Variants in C2 observed in about 807,000 individuals in gnomAD.
C2 encodes complement C2.
A neutral mutation model predicts 85.2 loss-of-function variants in C2; 64 were observed. The observed-to-expected ratio is 0.75, with a 90% CI of 0.61 to 0.92. C2 has a LOEUF of 0.92. C2 is among the 40% of genes least tolerant of loss of function. The pLI is 0.00. For synonymous variants in C2, 311 were observed against 370.8 expected (o/e 0.84, Z 1.85); for missense variants, 820 against 971.6 (o/e 0.84, Z 2.07).
Position 31,943,139 on chromosome 6 carries a change from G to T in C2, c.1360+40G>T, listed in dbSNP as rs1428120008. The T allele has an allele frequency of 1.9e-6, 3 of 1,612,904 alleles. No homozygotes were observed. The highest frequency in any genetic ancestry group is 2.5e-6 in the Non-Finnish European group (3 of 1,179,916). Reference sequence around the variant, plus strand: ...CCCTCCTTGGTGTGGGGAGGATGGTGAGGAGCCCGCCAGAGGCCCGTGTTG... The same window carrying T: ...CCCTCCTTGGTGTGGGGAGGATGGTTAGGAGCCCGCCAGAGGCCCGTGTTG... On this transcript the variant is annotated intron_variant, in intron 10 of 17. Transcript: ENST00000299367. The surrounding 1 kb of genome is among the most constrained non-coding windows in gnomAD (Gnocchi z 6.4).
chr6:31,900,661 C>T (rs370274844), upstream of C2: 41 of 1,612,746 alleles, frequency 2.5e-5, no homozygotes, highest in African/African-American at 3.9e-4. This position sits in a 1 kb window ranked among gnomAD's most constrained non-coding sequence, Gnocchi z 9.7. Context: ...CCTCCAGGGC[C>T]GACTCCACCT....
chr6:31,933,560 G>A (rs375155089), intron 3 of C2, 50 bp from the exon 4 acceptor site: 35 of 1,604,066 alleles, frequency 2.2e-5, no homozygotes, highest in Non-Finnish European at 2.6e-5. Context: ...AGGAGGCAGA[G>A]CCTGATGGGA....
At chr6:31,909,225 C>T (rs1245942944) in intron 1 of C2, among the ~76,000 whole-genome samples, 1 of 151,904 alleles carries the variant, frequency 6.6e-6, no homozygotes, top group Non-Finnish European at 1.5e-5. Context: ...TACCTATTTA[C>T]AGTTCTTTTG....
upstream of C2, among the ~76,000 whole-genome samples, chr6:31,899,421 T>C (rs963885645): frequency 6.6e-6 from 1 of 151,940 alleles, no homozygotes; most frequent in African/African-American, 2.4e-5. Flanking sequence ...GCAAGAACTG[T>C]CTCCCACTTC....
upstream of C2, among the ~76,000 whole-genome samples, chr6:31,919,477 T>C (rs1323856482): frequency 6.6e-6 from 1 of 152,140 alleles, no homozygotes; most frequent in Non-Finnish European, 1.5e-5. Flanking sequence ...CAGTGAAAAC[T>C]ACAAGGAGTA....
At chr6:31,936,140 G>A in intron 7 of C2, 79 bp downstream of exon 7, 2 of 1,516,622 alleles carry the variant, frequency 1.3e-6, no homozygotes, top group Admixed American at 1.9e-5. Flanking sequence ...TTCTGGATGA[G>A]TTAAAAAGAG....
upstream of C2, among the ~76,000 whole-genome samples, chr6:31,898,380 A>AC (rs1338271864): frequency 6.6e-6 from 1 of 152,224 alleles, no homozygotes; most frequent in Non-Finnish European, 1.5e-5. Flanking sequence ...CGTGGGTCAT[A>AC]GCCCAGCGGA....
chr6:31,934,133 G>A (rs764022670), intron 5 of C2, 33 bp from the exon 6 acceptor site: 17 of 1,612,546 alleles, frequency 1.1e-5, no homozygotes, highest in Non-Finnish European at 3.4e-6. Flanking sequence ...AAGGAGGTGG[G>A]GATCTGAATC....
chr6:31,908,889 A>C (rs1182181057), intron 1 of C2, among the ~76,000 whole-genome samples: 2 of 152,044 alleles, frequency 1.3e-5, no homozygotes, highest in Non-Finnish European at 2.9e-5. Context: ...ACTACAGTAC[A>C]GTGTAAACAT....
rs757928337 is a variant in C2 at position 31,944,807 on chromosome 6, C to T, written c.1983C>T (p.Asp661=). 2 of 1,613,078 alleles carry T rather than the reference C, an allele frequency of 1.2e-6. No homozygotes were observed. The highest frequency in any genetic ancestry group is 2.2e-5 in the East Asian group (1 of 44,884). Residue 661 remains aspartate, a synonymous_variant, in exon 16 of 18, where the codon GAC becomes GAT. Coordinates refer to ENST00000299367, the MANE Select transcript of C2 (RefSeq NM_000063.6). This position sits in a 1 kb window ranked among gnomAD's most constrained non-coding sequence, Gnocchi z 5.1. Reference sequence around the variant, plus strand: ...CAGATGTCAGGGAGGTGGTGACAGACCAGTTCCTATGCAGTGGGACCCAGG... The same window carrying T: ...CAGATGTCAGGGAGGTGGTGACAGATCAGTTCCTATGCAGTGGGACCCAGG... ...NLTDVREVVT[D]QFLCSGTQED... is the part of the protein sequence containing the mutation.
At chr6:31,929,880 T>C (rs1415279758) in intron 3 of C2, among the ~76,000 whole-genome samples, 1 of 149,952 alleles carries the variant, frequency 6.7e-6, no homozygotes, top group Non-Finnish European at 1.5e-5. Flanking sequence ...AAAAATTAGC[T>C]GGGCGTGGTT....
intron 1 of C2, chr6:31,901,709 A>C (rs1211510894): frequency 4.2e-5 from 6 of 141,366 alleles, no homozygotes; most frequent in Admixed American, 1.8e-4. Flanking sequence ...CCCCCCTTAC[A>C]CGTTTGCACG....
upstream of C2, among the ~76,000 whole-genome samples, chr6:31,915,053 C>G (rs770125447): frequency 1.3e-5 from 2 of 152,208 alleles, no homozygotes; most frequent in Non-Finnish European, 2.9e-5. Context: ...TTCCCTTCCT[C>G]ATTTCTGTGC....
chr6:31,932,156 C>T (rs537268694), intron 3 of C2, among the ~76,000 whole-genome samples: 24 of 139,192 alleles, frequency 1.7e-4, no homozygotes, highest in South Asian at 9.2e-4. Flanking sequence ...GGCGGCTGGC[C>T]GGGCAGAGTG....
At chr6:31,909,115 G>T (rs1050938651) in intron 1 of C2, among the ~76,000 whole-genome samples, 8 of 151,802 alleles carry the variant, frequency 5.3e-5, no homozygotes, top group African/African-American at 1.9e-4. Flanking sequence ...ACATGTTCTG[G>T]GGCTGGCCTT....
chr6:31,904,569 C>T lies in C2; in HGVS notation c.73+3430C>T, dbSNP rs1378157805. Among the ~76,000 whole-genome samples the T allele has an allele frequency of 2.0e-5, 3 of 152,024 alleles. 1 individual carries two copies. The highest frequency in any genetic ancestry group is 4.8e-5 in the African/African-American group (2 of 41,350). On this transcript the variant is annotated intron_variant, in intron 1 of 3. Coordinates refer to the C2 transcript ENST00000452202. This position sits in a 1 kb window ranked among gnomAD's most constrained non-coding sequence, Gnocchi z 4.4. ...CCTCGGGTGATCCACCTTGCTCAGCCTCCCAAAGTGTTGGGATTACAGGCG... is the reference window on the plus strand; with the variant it reads ...CCTCGGGTGATCCACCTTGCTCAGCTTCCCAAAGTGTTGGGATTACAGGCG...
chr6:31,897,796 G>A (rs2151678251), upstream of C2: 1 of 994,634 alleles, frequency 1.0e-6, no homozygotes, highest in African/African-American at 1.7e-5. Flanking sequence ...ATTTTCCCCT[G>A]AGAGCGGCCT....
intron 3 of C2, among the ~76,000 whole-genome samples, chr6:31,929,449 G>A (rs911431594): frequency 1.3e-5 from 2 of 152,128 alleles, no homozygotes; most frequent in Non-Finnish European, 2.9e-5. Context: ...CCTGGAGTGC[G>A]GTGGCTCACG....
intron 8 of C2, among the ~76,000 whole-genome samples, chr6:31,937,878 G>A (rs1192065449): frequency 2.0e-5 from 3 of 151,868 alleles, no homozygotes; most frequent in South Asian, 2.1e-4. Flanking sequence ...GGTGGCAGGC[G>A]CCTGTAATCC....
Sources: gnomAD v4.1 joint callset for allele counts (sites outside exome capture counted in the v4.1 genomes callset) on GRCh38, gnomAD v4.1.1 for gene constraint, Gnocchi (gnomAD v3.1) non-coding constraint, MANE v1.5 for transcripts, NCBI Gene and HGNC (gene_info 2026-07-23, HGNC 2026-07-21) for gene names.